The following ERAP1 variants were observed in gnomAD, a reference collection of about 807,000 sequenced individuals.
The protein encoded by ERAP1 is endoplasmic reticulum aminopeptidase 1, also known as adipocyte-derived leucine aminopeptidase.
In ERAP1, 86 loss-of-function variants were observed where a neutral mutation model predicts 103.7. The ratio of observed to expected loss-of-function variants is 0.83; its 90% CI spans 0.70 to 0.99. ERAP1 has a LOEUF of 0.99. Ranked by LOEUF, ERAP1 falls within the 50% of genes least tolerant of loss-of-function variation. ERAP1 has a pLI of 0.00. For synonymous variants in ERAP1, 398 were observed against 402.4 expected, an observed-to-expected ratio of 0.99 and a Z score of 0.13; for missense variants, 1,009 against 1,128.4, an observed-to-expected ratio of 0.89 and a Z score of 1.52.
At chr5:96,860,035 T>C in the ERAP1 span, among the ~76,000 whole-genome samples, 1 of 152,154 alleles carries the variant, frequency 6.6e-6, no homozygotes, top group Admixed American at 6.5e-5. Context: ...ATACATATTG[T>C]CTATCAATCT....
chr5:96,929,992 C>CA, the ERAP1 span, among the ~76,000 whole-genome samples: 2 of 152,142 alleles, frequency 1.3e-5, no homozygotes, highest in Admixed American at 6.5e-5. Context: ...CTAAGCCTCC[C>CA]AAGTGACTGA....
chr5:96,884,609 G>A, the ERAP1 span, among the ~76,000 whole-genome samples: 1 of 152,136 alleles, frequency 6.6e-6, no homozygotes, highest in African/African-American at 2.4e-5. Context: ...CCAGGTTGGA[G>A]TGCAATGGCG....
the ERAP1 span, among the ~76,000 whole-genome samples, chr5:96,865,286 C>T: frequency 6.6e-6 from 1 of 152,090 alleles, no homozygotes; most frequent in Non-Finnish European, 1.5e-5. Flanking sequence ...TTAAAGTACC[C>T]AACCAGAACA....
chr5:96,867,134 G>A, the ERAP1 span, among the ~76,000 whole-genome samples: 1 of 151,674 alleles, frequency 6.6e-6, no homozygotes, highest in Non-Finnish European at 1.5e-5. Context: ...AGCCTCCCGA[G>A]TAGCTGAGAT....
At chr5:96,833,259 G>T in the ERAP1 span, among the ~76,000 whole-genome samples, 1 of 152,168 alleles carries the variant, frequency 6.6e-6, no homozygotes, top group Non-Finnish European at 1.5e-5. Context: ...CTTTAGGATT[G>T]CTGTTGTCCA....
chr5:96,837,030 A>C, the ERAP1 span, among the ~76,000 whole-genome samples: 1 of 152,208 alleles, frequency 6.6e-6, no homozygotes, highest in Non-Finnish European at 1.5e-5. Context: ...TTCAATCAAA[A>C]TATATTAGGC....
the ERAP1 span, chr5:96,900,062 G>T: frequency 6.3e-7 from 1 of 1,592,102 alleles, no homozygotes; most frequent in Admixed American, 1.7e-5. Context: ...TGGCTAATGT[G>T]CACGTTCAGC....
chr5:96,871,759 G>C, the ERAP1 span, among the ~76,000 whole-genome samples: 1 of 152,138 alleles, frequency 6.6e-6, no homozygotes, highest in Non-Finnish European at 1.5e-5. Flanking sequence ...AGATTTTTAT[G>C]GCGGCATTTT....
intron 11 of ERAP1, 59 bp downstream of exon 11, chr5:96,788,472 C>T (rs1776345868): frequency 6.3e-7 from 1 of 1,595,250 alleles, no homozygotes; most frequent in Admixed American, 1.7e-5. Flanking sequence ...AGCAAGGTTC[C>T]ATCCTACAAG....
In ERAP1 at chr5:96,762,362, G is replaced by C. The variant is rs149604986; in HGVS notation, c.*838C>G. 1.0e-5 allele frequency: 16 copies of C among 1,594,350 alleles called. No homozygotes were observed. The Admixed American group carries it at 2.5e-4, about 25-fold the overall frequency. ...ACGACCCAAGCTGGAGCCCCACCCC[G>C]TGATACCTCGGTAAGCAGCACATCT... On this transcript the variant is annotated 3_prime_UTR_variant, in exon 20 of 20. Transcript: ENST00000296754.
chr5:96,793,334 A>C lies in ERAP1; in HGVS notation c.1188+66T>G, dbSNP rs1002830949. Reference sequence around the variant, plus strand: ...GTTCTATAATCAAAGATTAGTGAATATTTTCCAGCAATATTGAACAAAACA... The same window carrying C: ...GTTCTATAATCAAAGATTAGTGAATCTTTTCCAGCAATATTGAACAAAACA... On this transcript the variant is annotated intron_variant, in intron 7 of 18. Transcript: ENST00000443439. The C allele has an allele frequency of 2.8e-6, 3 of 1,082,016 alleles. No homozygotes were observed. In the African/African-American group the frequency reaches 4.7e-5, roughly 17 times the overall value. 67.0% of individuals were successfully genotyped at this position (1,082,016 alleles called of 1,614,324 possible).
At chr5:96,763,101 G>A in exon 20 of ERAP1, 1 of 776,808 alleles carries the variant, frequency 1.3e-6, no homozygotes, top group Non-Finnish European at 2.4e-6. Context: ...TTTGCTAGAT[G>A]GAGATGAAGT....
the ERAP1 span, chr5:96,903,484 C>T: frequency 6.2e-7 from 1 of 1,614,050 alleles, no homozygotes; most frequent in Non-Finnish European, 8.5e-7. Flanking sequence ...ACTCATTACA[C>T]AGCTGAATCA....
chr5:96,894,428 C>A, the ERAP1 span, among the ~76,000 whole-genome samples: 1 of 152,104 alleles, frequency 6.6e-6, no homozygotes, highest in African/African-American at 2.4e-5. Flanking sequence ...GTAACTATAA[C>A]CAGGCTCTTC....
the ERAP1 span, among the ~76,000 whole-genome samples, chr5:96,897,844 T>G: frequency 6.6e-6 from 1 of 152,210 alleles, no homozygotes; most frequent in African/African-American, 2.4e-5. Flanking sequence ...TTACAAGCAC[T>G]TGTGTCCCAG....
At chr5:96,811,992 C>T (rs1475532188), upstream of ERAP1, among the ~76,000 whole-genome samples, 1 of 152,196 alleles carries the variant, frequency 6.6e-6, no homozygotes, top group East Asian at 1.9e-4. Flanking sequence ...GTTGCTTTTA[C>T]CTTTGCTCGT....
the ERAP1 span, among the ~76,000 whole-genome samples, chr5:96,925,112 C>T: frequency 1.3e-5 from 2 of 152,090 alleles, no homozygotes; most frequent in Non-Finnish European, 2.9e-5. Flanking sequence ...AATATGTTAC[C>T]GTTATAGAAA....
chr5:96,891,559 CA>C, the ERAP1 span, among the ~76,000 whole-genome samples: 1 of 141,588 alleles, frequency 7.1e-6, no homozygotes, highest in African/African-American at 2.7e-5. Flanking sequence ...CACACACACA[CA>C]CACATATATG....
chr5:96,857,992 T>C, the ERAP1 span, among the ~76,000 whole-genome samples: 1 of 152,130 alleles, frequency 6.6e-6, no homozygotes. Flanking sequence ...TTTCAAAATA[T>C]GTTCCAAATG....
Sources: allele counts gnomAD v4.1 joint callset (sites outside exome capture counted in the v4.1 genomes callset), GRCh38; gene constraint gnomAD v4.1.1; transcripts MANE v1.5; gene names NCBI Gene and HGNC (gene_info 2026-07-23, HGNC 2026-07-21).